Variants in DMD observed in about 807,000 individuals in gnomAD.
The protein encoded by DMD is dystrophin, also known as mutant dystrophin.
DMD carries 63 observed loss-of-function variants against 330.1 expected under a neutral mutation model. That is an observed-to-expected ratio of 0.19 (90% confidence interval 0.16 to 0.24). The LOEUF is 0.24. DMD is among the 10% of genes least tolerant of loss of function. The pLI is 1.00. For synonymous variants in DMD, 1,223 were observed against 959.8 expected, an observed-to-expected ratio of 1.27 and a Z score of -5.07; for missense variants, 3,344 against 2,684.1, an observed-to-expected ratio of 1.25 and a Z score of -5.43.
At position 31,130,896 on chromosome X, in the gene DMD, A is replaced by G. The variant is rs763846350; in HGVS notation, c.11014+3206T>C. Among the ~76,000 whole-genome samples, 7 of 112,297 alleles carry G rather than the reference A, an allele frequency of 6.2e-5. No homozygotes were observed. In the Admixed American group the frequency reaches 6.6e-4, roughly 11 times the overall value. On this transcript the variant is annotated intron_variant, in intron 77 of 78. Transcript: ENST00000357033. ...TATATACTTTATGTTTATGAAGAGC[A>G]TAAGTTTTTTAAAAACGGCTTTTCC...
chrX:31,905,536 T>G (rs1049743841), intron 47 of DMD, among the ~76,000 whole-genome samples: 3 of 110,502 alleles, frequency 2.7e-5, no homozygotes, highest in African/African-American at 9.9e-5. Flanking sequence ...CTTGCTCACT[T>G]CAACCAATTA....
At chrX:33,008,728 T>C (rs2093448794) in intron 2 of DMD, among the ~76,000 whole-genome samples, 1 of 104,067 alleles carries the variant, frequency 9.6e-6, no homozygotes, top group Admixed American at 1.0e-4. Context: ...ACTAGGATTG[T>C]TAAAAATATA....
At chrX:31,739,854 A>C (rs2087181466) in intron 51 of DMD, among the ~76,000 whole-genome samples, 2 of 109,051 alleles carry the variant, frequency 1.8e-5, no homozygotes, top group African/African-American at 6.6e-5. Flanking sequence ...AAAAAAAAAA[A>C]AAAACCTCTT....
At chrX:31,552,951 A>G (rs1338574173) in intron 55 of DMD, among the ~76,000 whole-genome samples, 2 of 112,086 alleles carry the variant, frequency 1.8e-5, no homozygotes, top group African/African-American at 6.5e-5. Context: ...TAGTATGGAA[A>G]GAAGGAAGCA....
intron 2 of DMD, among the ~76,000 whole-genome samples, chrX:32,928,142 G>C (rs1050916617): frequency 1.6e-4 from 18 of 110,372 alleles, no homozygotes; most frequent in African/African-American, 5.9e-4. Context: ...TAGAAATGCT[G>C]GCATGTTTTT....
At chrX:31,326,053 C>G (rs1276595012) in intron 61 of DMD, among the ~76,000 whole-genome samples, 8 of 109,394 alleles carry the variant, frequency 7.3e-5, no homozygotes, top group African/African-American at 2.3e-4. Context: ...ATTTCCTACA[C>G]TATTCTTAGG....
intron 1 of DMD, among the ~76,000 whole-genome samples, chrX:33,102,826 A>T (rs1405302104): frequency 1.8e-5 from 2 of 112,343 alleles, no homozygotes; most frequent in East Asian, 5.6e-4. Flanking sequence ...TCAAGCATTT[A>T]GTTGTTAAGT....
At position 32,487,134 on chromosome X, in the gene DMD, G is replaced by T. The variant is rs185159706; in HGVS notation, c.2623-2035C>A. Among the ~76,000 whole-genome samples the T allele has an allele frequency of 1.0e-3, 112 of 110,972 alleles. No homozygotes were observed. The Middle Eastern group carries it at 0.014, about 14-fold the overall frequency. On this transcript the variant is annotated intron_variant, in intron 20 of 78. Transcript: ENST00000357033. ...AGGGCTAATATCCAGAATCTACAAC[G>T]AACTCAAAAAAATTTACAAGAAAAA... is the stretch of plus-strand genomic sequence containing the variant.
chrX:31,872,237 C>T (rs2093903656), intron 48 of DMD, among the ~76,000 whole-genome samples: 1 of 110,974 alleles, frequency 9.0e-6, no homozygotes, highest in Non-Finnish European at 1.9e-5. Context: ...TCCCTCTCCC[C>T]TCAGTGATTT....
intron 60 of DMD, among the ~76,000 whole-genome samples, chrX:31,429,749 GGGA>G (rs1408871431): frequency 1.0e-5 from 1 of 98,877 alleles, no homozygotes; most frequent in African/African-American, 4.5e-5. Flanking sequence ...ATGATTCACA[GGGA>G]GGAGGGAGTG....
intron 5 of DMD, among the ~76,000 whole-genome samples, chrX:32,822,083 G>A (rs758243644): frequency 1.8e-5 from 2 of 111,133 alleles, no homozygotes; most frequent in Non-Finnish European, 3.8e-5. Flanking sequence ...AAGTAATCCC[G>A]ACCAGTAAAA....
chrX:32,362,900 G>T lies in DMD; in HGVS notation c.5213C>A (p.Ala1738Glu). 8.3e-7 allele frequency: 1 copy of T among 1,211,036 alleles called. No individual in the cohort carries two copies. The highest frequency in any genetic ancestry group is 1.1e-6 in the Non-Finnish European group (1 of 895,166). Residue 1738 changes from alanine to glutamate, a missense_variant, in exon 37 of 79, where the codon GCA becomes GAA. By Grantham distance (107) the Ala-to-Glu change is moderately radical (BLOSUM62 -1). Transcript: ENST00000357033. ...ACCGCGGTTTGCCATCAAGTTTGCTGCTTGGTCACGTGTAGAGTCCACCTT... is the reference window on the plus strand; with the variant it reads ...ACCGCGGTTTGCCATCAAGTTTGCTTCTTGGTCACGTGTAGAGTCCACCTT... Reference protein sequence around the residue: ...RPKVDSTRDQAANLMANRGDH... With the variant: ...RPKVDSTRDQEANLMANRGDH...
At chrX:32,031,308 C>A (rs1025344155) in intron 44 of DMD, among the ~76,000 whole-genome samples, 1 of 111,445 alleles carries the variant, frequency 9.0e-6, no homozygotes, top group South Asian at 3.8e-4. Flanking sequence ...TCCCAGAAAC[C>A]TTTGCAGTAG....
intron 7 of DMD, among the ~76,000 whole-genome samples, chrX:32,733,672 A>T (rs1297745959): frequency 2.7e-5 from 3 of 111,711 alleles, no homozygotes; most frequent in African/African-American, 9.8e-5. Context: ...TACGGGGTGC[A>T]TAATGAAATG....
chrX:32,387,478 T>A (rs1034693692), intron 32 of DMD, among the ~76,000 whole-genome samples: 1 of 111,443 alleles, frequency 9.0e-6, no homozygotes, highest in African/African-American at 3.2e-5. Flanking sequence ...AACCTGACAG[T>A]AGGTAATTGT....
Position 32,723,059 on chromosome X carries a change from T to C in DMD, c.650-23766A>G, listed in dbSNP as rs191922132. 8.1e-5 allele frequency among the ~76,000 whole-genome samples: 9 copies of C among 111,299 alleles called. No homozygotes were observed. The Admixed American group carries it at 8.6e-4, about 11-fold the overall frequency. On this transcript the variant is annotated intron_variant, in intron 7 of 78. Transcript: ENST00000357033. The stretch of plus-strand genomic sequence containing the variant: ...CACCCCACAACCACCGTTGATCATA[T>C]TAGCTATAGGCTTTTCATAAATAGC...
chrX:32,574,539 G>A (rs1403661108), intron 13 of DMD, among the ~76,000 whole-genome samples: 2 of 111,598 alleles, frequency 1.8e-5, no homozygotes, highest in African/African-American at 6.5e-5. Flanking sequence ...ATATTGTGAT[G>A]CTTTCTATGC....
Position 31,535,815 on chromosome X carries a change from G to A in DMD, c.8218-28362C>T, listed in dbSNP as rs148849121. On this transcript the variant is annotated intron_variant, in intron 55 of 78. Coordinates refer to ENST00000357033, the MANE Select transcript of DMD (RefSeq NM_004006.3). ...CTGAGGGAGATGCAGTGATGAACAT[G>A]ACAGACACTGTCCCAGTCTAATCCG... Among the ~76,000 whole-genome samples, 9 of 111,756 alleles carry A rather than the reference G, an allele frequency of 8.1e-5. No individual in the cohort carries two copies. The East Asian group carries it at 2.5e-3, about 31-fold the overall frequency.
rs377615262 is a variant in DMD at position 32,132,993 on chromosome X, C to CTTTTTT, written c.6438+83917_6438+83922dup. Among the ~76,000 whole-genome samples, 209 of 75,823 alleles carry CTTTTTT rather than the reference C, an allele frequency of 2.8e-3. 2 individuals carry two copies. Among genetic ancestry groups the CTTTTTT allele is most frequent in the Non-Finnish European group, 3.7e-3 (165 of 44,743 alleles). 65.8% of individuals were successfully genotyped at this position (75,823 alleles called of 115,157 possible). On this transcript the variant is annotated intron_variant, in intron 44 of 78. Transcript: ENST00000357033. ...TCTCATTGATCACTCCTTTTCTTTT[C>CTTTTTT]TTTTTTTTTTTTTTTTTTTTTTTTT...
Sources: allele counts gnomAD v4.1 joint callset (sites outside exome capture counted in the v4.1 genomes callset), GRCh38; gene constraint gnomAD v4.1.1; transcripts MANE v1.5; gene names NCBI Gene and HGNC (gene_info 2026-07-23, HGNC 2026-07-21).